The following FAM83G variants were observed in gnomAD, a reference collection of about 807,000 sequenced individuals.
The protein encoded by FAM83G is protein FAM83G.
Under a neutral mutation model 61.5 loss-of-function variants are expected in FAM83G, and 38 were observed. The ratio of observed to expected loss-of-function variants is 0.62; its 90% CI spans 0.48 to 0.81. The LOEUF (loss-of-function observed/expected upper bound fraction) is 0.81. Among genes scored for constraint, FAM83G ranks in the 30% least tolerant of loss-of-function variants. FAM83G has a pLI of 0.00. For missense variants in FAM83G, 989 were observed against 1,133.6 expected, an observed-to-expected ratio of 0.87 and a Z score of 1.83; for synonymous variants, 470 against 476.1, an observed-to-expected ratio of 0.99 and a Z score of 0.17.
intron 2 of FAM83G, among the ~76,000 whole-genome samples, chr17:18,998,425 G>C (rs1235575845): frequency 6.6e-6 from 1 of 152,232 alleles, no homozygotes; most frequent in African/African-American, 2.4e-5. Context: ...CTCCAGCCAG[G>C]GAGACCCAAT....
At chr17:18,994,803 T>C (rs1235469011) in intron 2 of FAM83G, among the ~76,000 whole-genome samples, 1 of 152,224 alleles carries the variant, frequency 6.6e-6, no homozygotes, top group African/African-American at 2.4e-5. Flanking sequence ...ATATGTTCTC[T>C]GTCACAACTA....
intron 2 of FAM83G, among the ~76,000 whole-genome samples, chr17:18,991,467 C>G (rs928556087): frequency 6.6e-6 from 1 of 152,222 alleles, no homozygotes; most frequent in East Asian, 1.9e-4. Flanking sequence ...CAAGCCCACA[C>G]GTCCTCTCAG....
At chr17:18,985,792 G>A (rs1229184220) in intron 3 of FAM83G, among the ~76,000 whole-genome samples, 8 of 152,222 alleles carry the variant, frequency 5.3e-5, no homozygotes, top group Admixed American at 4.6e-4. Flanking sequence ...CGGCTGAGCA[G>A]GGCAGGCGGG....
chr17:18,971,771 T>C lies in FAM83G; in HGVS notation c.2083-23A>G. 2 of 1,533,940 alleles carry C rather than the reference T, an allele frequency of 1.3e-6. No individual in the cohort carries two copies. Among genetic ancestry groups the C allele is most frequent in the South Asian group, 1.3e-5 (1 of 78,196 alleles). On this transcript the variant is annotated intron_variant, in intron 5 of 5. Transcript: ENST00000388995. The surrounding 1 kb of genome is among the most constrained non-coding windows in gnomAD (Gnocchi z 5.5). ...GCCCTGGGAGAGAGAGAGCAGAGAG[T>C]GAGGCTGAGCAAGAAGGGCCAACCC...
At chr17:18,977,332 G>T (rs2043005028) in intron 5 of FAM83G, 1 of 583,108 alleles carries the variant, frequency 1.7e-6, no homozygotes, top group Non-Finnish European at 3.0e-6. Flanking sequence ...ACCTCTAGGT[G>T]GGGAAACGTG....
chr17:18,989,538 G>A (rs1254853091), intron 2 of FAM83G, among the ~76,000 whole-genome samples: 2 of 152,248 alleles, frequency 1.3e-5, no homozygotes, highest in Middle Eastern at 6.3e-3. Context: ...GTGTGACCCT[G>A]AGCAAAACAC....
intron 2 of FAM83G, among the ~76,000 whole-genome samples, chr17:18,998,639 C>G (rs891601263): frequency 1.3e-5 from 2 of 152,238 alleles, no homozygotes; most frequent in African/African-American, 4.8e-5. Context: ...CTTAGAGCTC[C>G]TTCCTCGAAG....
At chr17:18,982,926 A>G (rs2043175139) in intron 3 of FAM83G, among the ~76,000 whole-genome samples, 1 of 152,218 alleles carries the variant, frequency 6.6e-6, no homozygotes, top group East Asian at 1.9e-4. Context: ...TTGTGCTGCA[A>G]GGCTGCTGTG....
chr17:18,981,823 G>C (rs923621328), intron 3 of FAM83G, among the ~76,000 whole-genome samples: 1 of 152,136 alleles, frequency 6.6e-6, no homozygotes, highest in Non-Finnish European at 1.5e-5. Context: ...CAGGAAGCTG[G>C]CCACGGCCCA....
chr17:18,987,497 C>T (rs1203822301), intron 3 of FAM83G, among the ~76,000 whole-genome samples: 1 of 152,168 alleles, frequency 6.6e-6, no homozygotes, highest in East Asian at 1.9e-4. Context: ...AAGGAGGGCT[C>T]CAGACACCAA....
intron 3 of FAM83G, among the ~76,000 whole-genome samples, chr17:18,981,461 G>A (rs2043130944): frequency 6.6e-6 from 1 of 152,182 alleles, no homozygotes; most frequent in Admixed American, 6.5e-5. Flanking sequence ...CGATGGGGTT[G>A]GGTGTGTATC....
chr17:18,990,644 C>T (rs543589416), intron 2 of FAM83G, among the ~76,000 whole-genome samples: 32 of 152,358 alleles, frequency 2.1e-4, no homozygotes, highest in African/African-American at 7.5e-4. Context: ...CAGGGACCAT[C>T]TGCTGTCAGG....
In FAM83G at chr17:18,971,846, G is replaced by T; in HGVS notation, c.2083-98C>A. 7.3e-7 allele frequency: 1 copy of T among 1,368,636 alleles called. No homozygotes were observed. Among genetic ancestry groups the T allele is most frequent in the Non-Finnish European group, 9.8e-7 (1 of 1,020,910 alleles). The allele number at this position is 1,368,636 out of a possible 1,614,324, so 84.8% of individuals were successfully genotyped here. On this transcript the variant is annotated intron_variant, in intron 5 of 5. Coordinates refer to ENST00000388995, the MANE Select transcript of FAM83G (RefSeq NM_001039999.3). This position sits in a 1 kb window ranked among gnomAD's most constrained non-coding sequence, Gnocchi z 5.5. ...GGCACACAGGAGCCGGCAGGCCCGGGTTCGCCTCCTGGCTCTGCCATTCAC... is the reference window on the plus strand; with the variant it reads ...GGCACACAGGAGCCGGCAGGCCCGGTTTCGCCTCCTGGCTCTGCCATTCAC...
chr17:18,992,684 C>A (rs930754659), intron 2 of FAM83G, among the ~76,000 whole-genome samples: 2 of 152,194 alleles, frequency 1.3e-5, no homozygotes, highest in Non-Finnish European at 2.9e-5. Flanking sequence ...GTGAGCCACA[C>A]CTGCGTTCCA....
At chr17:18,979,296 G>C (rs1477619053) in intron 4 of FAM83G, 5 of 536,736 alleles carry the variant, frequency 9.3e-6, no homozygotes, top group South Asian at 2.3e-5. Context: ...ATAGGCTTGC[G>C]AAGGCACGGC....
At position 18,969,504 on chromosome 17, in the gene FAM83G, G is replaced by A; in HGVS notation, c.*1855C>T. On this transcript the variant is annotated 3_prime_UTR_variant, in exon 6 of 6. Coordinates refer to ENST00000388995, the MANE Select transcript of FAM83G (RefSeq NM_001039999.3). ...TCTGGCACTGCCCGGCACTGTGCAG[G>A]ATTCATGCCGTTGGGGTTCTGGGTA... The A allele has an allele frequency of 7.5e-7, 1 of 1,330,816 alleles. No homozygotes were observed. The allele number at this position is 1,330,816 out of a possible 1,614,324, so 82.4% of individuals were successfully genotyped here.
chr17:18,990,965 C>T (rs754264113), intron 2 of FAM83G, among the ~76,000 whole-genome samples: 6 of 152,208 alleles, frequency 3.9e-5, no homozygotes, highest in Non-Finnish European at 7.3e-5. Context: ...CCCAGAGCAC[C>T]TTCTGCACAA....
rs2043000353 is a variant in FAM83G at position 18,977,117 on chromosome 17, GGA to G, written c.2082+465_2082+466del. ...AACTGTTCCCCAACCTGGGGAGTGG[GGA>G]GAGTGGTCCTCAGGGCCACAATCAA... On this transcript the variant is annotated intron_variant, in intron 5 of 5. Transcript: ENST00000388995. The G allele has an allele frequency of 5.2e-6, 7 of 1,334,288 alleles. No individual in the cohort carries two copies. The Admixed American group carries it at 1.2e-4, about 23-fold the overall frequency. The allele number at this position is 1,334,288 out of a possible 1,614,324, so 82.7% of individuals were successfully genotyped here.
At chr17:18,984,366 C>T (rs758569979) in intron 3 of FAM83G, among the ~76,000 whole-genome samples, 12 of 151,276 alleles carry the variant, frequency 7.9e-5, no homozygotes, top group Non-Finnish European at 1.3e-4. Context: ...AGAACCCTGC[C>T]TTATACCCTG....
Sources: allele counts gnomAD v4.1 joint callset (sites outside exome capture counted in the v4.1 genomes callset), GRCh38; gene constraint gnomAD v4.1.1; non-coding constraint Gnocchi (gnomAD v3.1); transcripts MANE v1.5; gene names NCBI Gene and HGNC (gene_info 2026-07-23, HGNC 2026-07-21).